Variants in FKBP5 observed in about 807,000 individuals in gnomAD.
FKBP5 encodes FKBP prolyl isomerase 5, also known as peptidyl-prolyl cis-trans isomerase FKBP5.
In FKBP5, 23 loss-of-function variants were observed where a neutral mutation model predicts 50.5. That is an observed-to-expected ratio of 0.46 (90% CI 0.33 to 0.65). The LOEUF is 0.65. FKBP5 is among the 30% of genes least tolerant of loss of function. The pLI is 0.02. For synonymous variants in FKBP5, 176 were observed against 190.6 expected (o/e 0.92, Z 0.63); for missense variants, 411 against 553.1 (o/e 0.74, Z 2.58).
intron 1 of FKBP5, among the ~76,000 whole-genome samples, chr6:35,677,229 A>T (rs1165824084): frequency 6.6e-6 from 1 of 151,954 alleles, no homozygotes; most frequent in Non-Finnish European, 1.5e-5. Context: ...GCCTGCCACC[A>T]CACCCAGCTA....
intron 6 of FKBP5, among the ~76,000 whole-genome samples, chr6:35,596,126 G>A (rs546133763): frequency 7.9e-5 from 12 of 152,146 alleles, no homozygotes; most frequent in South Asian, 4.2e-4. Flanking sequence ...AGGCTGAGGC[G>A]GGAGGATCAC....
At chr6:35,665,741 A>G (rs1765196858) in intron 1 of FKBP5, among the ~76,000 whole-genome samples, 1 of 152,222 alleles carries the variant, frequency 6.6e-6, no homozygotes, top group African/African-American at 2.4e-5. Context: ...ACATCAGGCA[A>G]TGGAACTATG....
At chr6:35,579,250 G>A (rs1013559342) in intron 9 of FKBP5, among the ~76,000 whole-genome samples, 4 of 152,080 alleles carry the variant, frequency 2.6e-5, no homozygotes, top group Non-Finnish European at 4.4e-5. Context: ...GAGAGGATGC[G>A]ATAGGAAACA....
intron 8 of FKBP5, chr6:35,583,146 G>A: frequency 5.1e-6 from 5 of 985,410 alleles, no homozygotes; most frequent in African/African-American, 1.7e-5. Context: ...AAATGTGTGG[G>A]TGGAAATGAA....
rs181586944 is a variant in FKBP5 at position 35,666,672 on chromosome 6, C to T, written c.-20+22132G>A. Among the ~76,000 whole-genome samples the T allele has an allele frequency of 4.1e-4, 63 of 152,150 alleles. 1 individual carries two copies. Among genetic ancestry groups the T allele is most frequent in the Admixed American group, 3.4e-3 (52 of 15,276 alleles). On this transcript the variant is annotated intron_variant, in intron 1 of 10. Coordinates refer to ENST00000357266, the MANE Select transcript of FKBP5 (RefSeq NM_004117.4). ...TTGGGAAGCTGAGGCAGGCGGATCACGAGTTCAAGAGATCAAGACCATCCT... is the reference window on the plus strand; with the variant it reads ...TTGGGAAGCTGAGGCAGGCGGATCATGAGTTCAAGAGATCAAGACCATCCT...
intron 1 of FKBP5, among the ~76,000 whole-genome samples, chr6:35,652,864 G>A (rs190222826): frequency 0.028 from 4,307 of 152,038 alleles, 180 homozygotes; most frequent in African/African-American, 0.098. Flanking sequence ...GGGGCATCAC[G>A]GATCCTACCA....
chr6:35,597,772 C>T (rs1763020122), intron 5 of FKBP5, among the ~76,000 whole-genome samples: 1 of 152,128 alleles, frequency 6.6e-6, no homozygotes, highest in Non-Finnish European at 1.5e-5. Context: ...AATTTAATAT[C>T]AAATATATAA....
At chr6:35,609,157 T>C (rs887554195) in intron 5 of FKBP5, among the ~76,000 whole-genome samples, 3 of 152,166 alleles carry the variant, frequency 2.0e-5, no homozygotes, top group East Asian at 1.9e-4. Flanking sequence ...TCAGGATAAA[T>C]GTATCCAATA....
chr6:35,648,614 C>T (rs987507254), intron 1 of FKBP5, among the ~76,000 whole-genome samples: 1 of 152,024 alleles, frequency 6.6e-6, no homozygotes. Flanking sequence ...TGGTCATCAG[C>T]TATATTCAAT....
intron 1 of FKBP5, among the ~76,000 whole-genome samples, chr6:35,653,378 C>G (rs1359134227): frequency 6.6e-6 from 1 of 152,108 alleles, no homozygotes; most frequent in Non-Finnish European, 1.5e-5. Context: ...GATTCTAGGA[C>G]TGTAGAATAG....
intron 2 of FKBP5, among the ~76,000 whole-genome samples, chr6:35,700,939 A>G (rs967314842): frequency 1.3e-5 from 2 of 152,194 alleles, no homozygotes; most frequent in African/African-American, 4.8e-5. Flanking sequence ...AGCCTGGGCA[A>G]CAGACCAAGA....
At chr6:35,608,390 C>G (rs139807853) in intron 5 of FKBP5, among the ~76,000 whole-genome samples, 30 of 151,756 alleles carry the variant, frequency 2.0e-4, no homozygotes, top group Non-Finnish European at 3.2e-4. Context: ...CATAATCTCC[C>G]CTGGAACAAG....
chr6:35,592,006 G>A (rs188212504), intron 6 of FKBP5, among the ~76,000 whole-genome samples: 4 of 152,198 alleles, frequency 2.6e-5, no homozygotes, highest in Admixed American at 6.5e-5. Flanking sequence ...AAATGTATTC[G>A]GGAAGCAGAT....
intron 1 of FKBP5, among the ~76,000 whole-genome samples, chr6:35,672,958 A>G (rs1261429971): frequency 6.6e-6 from 1 of 152,040 alleles, no homozygotes; most frequent in Non-Finnish European, 1.5e-5. Flanking sequence ...AAGTACTTGT[A>G]CATTATGCAA....
intron 3 of FKBP5, among the ~76,000 whole-genome samples, chr6:35,623,715 A>G (rs1346201045): frequency 1.3e-5 from 2 of 151,280 alleles, no homozygotes; most frequent in African/African-American, 2.4e-5. Context: ...GACCACAGAC[A>G]TGTACCACCA....
At chr6:35,642,894 A>G (rs971051783) in intron 1 of FKBP5, 51 bp from the exon 2 acceptor site, 16 of 1,350,880 alleles carry the variant, frequency 1.2e-5, no homozygotes, top group Non-Finnish European at 1.6e-5. Context: ...TTCTTTATGA[A>G]TCTTGAATGT....
intron 1 of FKBP5, among the ~76,000 whole-genome samples, chr6:35,644,914 G>C (rs1764589028): frequency 6.6e-6 from 1 of 152,134 alleles, no homozygotes; most frequent in Non-Finnish European, 1.5e-5. Flanking sequence ...TCCATCAATA[G>C]ATCTCTGGGT....
intron 4 of FKBP5, 40 bp from the exon 5 acceptor site, chr6:35,619,250 T>C (rs1763752721): frequency 2.2e-6 from 3 of 1,386,090 alleles, no homozygotes; most frequent in Non-Finnish European, 3.1e-6. Context: ...AAAGACCAAA[T>C]AAAGCCAACT....
intron 1 of FKBP5, among the ~76,000 whole-genome samples, chr6:35,659,931 C>T (rs1261160899): frequency 1.2e-5 from 1 of 83,256 alleles, no homozygotes. Flanking sequence ...TTTAATTTTC[C>T]CTTCTTTTTC....
Sources: gnomAD v4.1 joint callset for allele counts (sites outside exome capture counted in the v4.1 genomes callset) on GRCh38, gnomAD v4.1.1 for gene constraint, MANE v1.5 for transcripts, NCBI Gene and HGNC (gene_info 2026-07-23, HGNC 2026-07-21) for gene names.